Variants in MYRIP observed in about 807,000 individuals in gnomAD.
The protein encoded by MYRIP is myosin VIIA and Rab interacting protein.
MYRIP carries 49 observed loss-of-function variants against 98.0 expected under a neutral mutation model. The ratio of observed to expected loss-of-function variants is 0.50; its 90% CI spans 0.40 to 0.63. MYRIP has a LOEUF of 0.63. MYRIP is among the 30% of genes least tolerant of loss of function. The pLI, the probability that MYRIP is intolerant of heterozygous loss-of-function variation, is 0.00. For synonymous variants in MYRIP, 404 were observed against 409.5 expected, an observed-to-expected ratio of 0.99 and a Z score of 0.16; for missense variants, 1,004 against 1,058.2, an observed-to-expected ratio of 0.95 and a Z score of 0.71.
At chr3:40,014,418 A>G (rs1559561027) in intron 2 of MYRIP, among the ~76,000 whole-genome samples, 2 of 152,354 alleles carry the variant, frequency 1.3e-5, no homozygotes, top group South Asian at 2.1e-4. Context: ...AGACATCCAG[A>G]CATTCAGCAG....
intron 2 of MYRIP, among the ~76,000 whole-genome samples, chr3:40,043,356 T>C (rs1235766339): frequency 2.0e-5 from 3 of 152,172 alleles, no homozygotes; most frequent in Non-Finnish European, 4.4e-5. Flanking sequence ...TTCTTTTTTT[T>C]TCCCCAGGTT....
Position 39,896,278 on chromosome 3 carries a change from C to T in MYRIP, c.-30-4509C>T, listed in dbSNP as rs116399680. 9.0e-3 allele frequency among the ~76,000 whole-genome samples: 1,374 copies of T among 152,240 alleles called. 25 individuals are homozygous for T. The highest frequency in any genetic ancestry group is 0.032 in the African/African-American group (1,318 of 41,542). On this transcript the variant is annotated intron_variant, in intron 1 of 16. Coordinates refer to ENST00000302541, the MANE Select transcript of MYRIP (RefSeq NM_015460.4). ...CATAAGTTGGGTGGCACGCCTGGTCCAGTCAGCTGTGCCCCAGTGGTGTGA... is the reference window on the plus strand; with the variant it reads ...CATAAGTTGGGTGGCACGCCTGGTCTAGTCAGCTGTGCCCCAGTGGTGTGA...
intron 2 of MYRIP, among the ~76,000 whole-genome samples, chr3:39,971,808 T>C (rs191927286): frequency 3.3e-5 from 5 of 152,218 alleles, no homozygotes; most frequent in African/African-American, 1.2e-4. Flanking sequence ...TCTTCGTGGA[T>C]GAGACTCCCA....
chr3:39,878,072 G>A (rs966426463), intron 1 of MYRIP, among the ~76,000 whole-genome samples: 78 of 152,274 alleles, frequency 5.1e-4, no homozygotes, highest in Admixed American at 3.5e-3. Context: ...CCCCAGCCTC[G>A]CTGCCACCTT....
chr3:39,927,439 T>G (rs1200708377), intron 2 of MYRIP, among the ~76,000 whole-genome samples: 1 of 151,944 alleles, frequency 6.6e-6, no homozygotes, highest in Non-Finnish European at 1.5e-5. Context: ...TTTTTTCTCT[T>G]CAGTTGATGT....
At position 39,892,081 on chromosome 3, in the gene MYRIP, A is replaced by T. The variant is rs552225591; in HGVS notation, c.-30-8706A>T. On this transcript the variant is annotated intron_variant, in intron 1 of 16. Coordinates refer to ENST00000302541, the MANE Select transcript of MYRIP (RefSeq NM_015460.4). ...TCCTAAAGTTATAAAAAGTTAATAA[A>T]ATAATTCTATTTTCATTATTTTTAA... Among the ~76,000 whole-genome samples the T allele has an allele frequency of 1.2e-3, 179 of 152,254 alleles. 2 individuals are homozygous for T. The South Asian group carries it at 0.036, about 31-fold the overall frequency.
chr3:40,073,729 T>G (rs909762646), intron 3 of MYRIP, among the ~76,000 whole-genome samples: 1 of 152,164 alleles, frequency 6.6e-6, no homozygotes, highest in African/African-American at 2.4e-5. Flanking sequence ...TAAGGGACGT[T>G]TCAGAACATT....
intron 3 of MYRIP, among the ~76,000 whole-genome samples, chr3:40,128,420 A>G (rs1478228889): frequency 6.6e-6 from 1 of 152,232 alleles, no homozygotes; most frequent in Non-Finnish European, 1.5e-5. Context: ...GAAAACCACA[A>G]CCACTTCCAA....
At chr3:39,850,314 C>G (rs191608354) in intron 1 of MYRIP, among the ~76,000 whole-genome samples, 255 of 152,328 alleles carry the variant, frequency 1.7e-3, no homozygotes, top group Non-Finnish European at 3.1e-3. Flanking sequence ...GTAGCCATTA[C>G]CACAGTGTCC....
At chr3:39,949,797 G>A (rs202117729) in intron 2 of MYRIP, among the ~76,000 whole-genome samples, 1 of 152,148 alleles carries the variant, frequency 6.6e-6, no homozygotes, top group African/African-American at 2.4e-5. Context: ...CTGGCAACTT[G>A]AAGTCAGTAC....
chr3:39,954,182 T>C lies in MYRIP; in HGVS notation c.110+53256T>C, dbSNP rs140878839. The stretch of plus-strand genomic sequence containing the variant: ...AGTAGTGGTTCTCCCAGCATGGAGT[T>C]TGAGATCTGAGAACGGATAGACTGC... On this transcript the variant is annotated intron_variant, in intron 2 of 16. Coordinates refer to ENST00000302541, the MANE Select transcript of MYRIP (RefSeq NM_015460.4). Among the ~76,000 whole-genome samples, 58 of 152,182 alleles carry C rather than the reference T, an allele frequency of 3.8e-4. No individual in the cohort carries two copies. In the East Asian group the frequency reaches 0.011, roughly 28 times the overall value.
chr3:40,130,478 C>T (rs540104708), intron 3 of MYRIP, among the ~76,000 whole-genome samples: 10 of 151,110 alleles, frequency 6.6e-5, no homozygotes, highest in East Asian at 2.0e-4. Flanking sequence ...CCCGGGTTCA[C>T]GCCATTCTCC....
rs887232983 is a variant in MYRIP at position 39,948,699 on chromosome 3, G to C, written c.110+47773G>C. On this transcript the variant is annotated intron_variant, in intron 2 of 16. Transcript: ENST00000302541. ...GTGAGAGAGGCTAGCCAGAGTTCTA[G>C]AAGAAAAAAAAGAGAAAGAATAGAT... is the stretch of plus-strand genomic sequence containing the variant. Among the ~76,000 whole-genome samples the C allele has an allele frequency of 2.6e-5, 4 of 151,708 alleles. No homozygotes were observed. In the South Asian group the frequency reaches 8.3e-4, roughly 32 times the overall value.
chr3:39,913,732 G>A (rs4318492), intron 2 of MYRIP, among the ~76,000 whole-genome samples: 67,088 of 151,924 alleles, frequency 0.44, 15,056 homozygotes, highest in East Asian at 0.54. Context: ...ACACAAAAAC[G>A]TGCAGACCAA....
At chr3:39,849,003 C>T (rs954734260) in intron 1 of MYRIP, among the ~76,000 whole-genome samples, 2 of 152,162 alleles carry the variant, frequency 1.3e-5, no homozygotes, top group African/African-American at 4.8e-5. Flanking sequence ...GGAATTAATT[C>T]ATTTTAATGT....
intron 2 of MYRIP, among the ~76,000 whole-genome samples, chr3:39,935,219 T>C (rs1049527473): frequency 6.6e-6 from 1 of 152,082 alleles, no homozygotes; most frequent in Non-Finnish European, 1.5e-5. Flanking sequence ...CAGATAAAGA[T>C]AGAGTGAAGG....
At chr3:40,017,769 T>G (rs991028050) in intron 2 of MYRIP, among the ~76,000 whole-genome samples, 2 of 151,508 alleles carry the variant, frequency 1.3e-5, no homozygotes, top group Non-Finnish European at 2.9e-5. Flanking sequence ...AAATTCCAGT[T>G]GTACCTAAGA....
chr3:40,218,598 C>CACACACAT (rs143584008), intron 11 of MYRIP, among the ~76,000 whole-genome samples: 19 of 14,228 alleles, frequency 1.3e-3, no homozygotes, highest in Admixed American at 4.4e-3. Flanking sequence ...CACACACACA[C>CACACACAT]ATATATATAT....
chr3:40,228,927 T>C (rs1343338113), intron 11 of MYRIP, among the ~76,000 whole-genome samples: 1 of 152,164 alleles, frequency 6.6e-6, no homozygotes, highest in African/African-American at 2.4e-5. Flanking sequence ...ATCCGATTAT[T>C]AGAGCACACT....
Sources: gnomAD v4.1 joint callset for allele counts (sites outside exome capture counted in the v4.1 genomes callset) on GRCh38, gnomAD v4.1.1 for gene constraint, MANE v1.5 for transcripts, NCBI Gene and HGNC (gene_info 2026-07-23, HGNC 2026-07-21) for gene names.